The following TNRC18 variants were observed in gnomAD, a reference collection of about 807,000 sequenced individuals.
The protein encoded by TNRC18 is trinucleotide repeat-containing gene 18 protein.
TNRC18 carries 69 observed loss-of-function variants against 226.7 expected under a neutral mutation model. The observed-to-expected ratio is 0.30, with a 90% CI of 0.25 to 0.37. The LOEUF is 0.37. Ranked by LOEUF, TNRC18 falls within the 10% of genes least tolerant of loss-of-function variation. The pLI, the probability that TNRC18 is intolerant of heterozygous loss-of-function variation, is 1.00. For missense variants in TNRC18, 4,754 were observed against 4,256.6 expected, an observed-to-expected ratio of 1.12 and a Z score of -3.25; for synonymous variants, 2,449 against 1,927.6, an observed-to-expected ratio of 1.27 and a Z score of -7.09.
intron 24 of TNRC18, among the ~76,000 whole-genome samples, chr7:5,317,114 C>T (rs1769049312): frequency 6.6e-6 from 1 of 152,146 alleles, no homozygotes; most frequent in Non-Finnish European, 1.5e-5. Context: ...GGGCAGCCCC[C>T]TAACAAAACC....
rs1791137360 is a variant in TNRC18 at position 5,345,875 on chromosome 7, C to T, written c.5471-65G>A. ...CTTGGCGAGGGCCACCCCCCACCGC[C>T]CCCTGGCCCAGAGTGGCCTCTGGGC... On this transcript the variant is annotated intron_variant, in intron 17 of 29. Transcript: ENST00000430969. 5 of 1,488,872 alleles carry T rather than the reference C, an allele frequency of 3.4e-6. No individual in the cohort carries two copies. In the South Asian group the frequency reaches 5.3e-5, roughly 16 times the overall value. The allele number at this position is 1,488,872 out of a possible 1,614,324, so 92.2% of individuals were successfully genotyped here.
At chr7:5,364,461 AAACAC>A (rs1334886075) in intron 11 of TNRC18, among the ~76,000 whole-genome samples, 4,290 of 124,926 alleles carry the variant, frequency 0.034, 118 homozygotes, top group Admixed American at 0.044. Context: ...GTCTCAAAGA[AAACAC>A]ACACACACAC....
intron 18 of TNRC18, among the ~76,000 whole-genome samples, chr7:5,340,968 C>A (rs1032698213): frequency 6.6e-6 from 1 of 152,046 alleles, no homozygotes; most frequent in Non-Finnish European, 1.5e-5. Flanking sequence ...GAAGTCAGTG[C>A]CTGGTTTAAA....
intron 5 of TNRC18, among the ~76,000 whole-genome samples, chr7:5,382,598 C>T (rs1385918747): frequency 6.6e-6 from 1 of 152,138 alleles, no homozygotes; most frequent in Non-Finnish European, 1.5e-5. Flanking sequence ...TCACCAACAC[C>T]ATGGCGTACA....
intron 18 of TNRC18, among the ~76,000 whole-genome samples, chr7:5,339,574 TG>T (rs1790474837): frequency 1.3e-5 from 2 of 149,160 alleles, no homozygotes; most frequent in Non-Finnish European, 3.0e-5. Flanking sequence ...TGTGTGTGTG[TG>T]TGTTTTTCGA....
rs200372885 is a variant in TNRC18, at chr7:5,308,310, G to A, written c.8703C>T (p.Arg2901=). 282 of 1,610,544 alleles carry A rather than the reference G, an allele frequency of 1.8e-4. 1 individual carries two copies. Among genetic ancestry groups the A allele is most frequent in the South Asian group, 1.5e-3 (133 of 90,396 alleles). Reference sequence around the variant, plus strand: ...CCACATGCGAGGACTGGTATAGCGCGCGCTGCGGGCACGCGGGGATATCAG... The same window carrying A: ...CCACATGCGAGGACTGGTATAGCGCACGCTGCGGGCACGCGGGGATATCAG... The part of the protein sequence containing the change: ...VSSQRKDFME[R]ALYQSSHVDE... Residue 2901 remains arginine (R), a splice_region_variant and synonymous_variant, in exon 30 of 30, where the codon CGC becomes CGT. Coordinates refer to ENST00000430969, the MANE Select transcript of TNRC18 (RefSeq NM_001080495.3).
rs1789033356 is a variant in TNRC18 at position 5,327,385 on chromosome 7, GT to G, written c.6148-2138del. Among the ~76,000 whole-genome samples the G allele has an allele frequency of 6.7e-5, 7 of 105,102 alleles. No homozygotes were observed. In the Admixed American group the frequency reaches 7.6e-4, roughly 11 times the overall value. The allele number at this position is 105,102 out of a possible 152,430, so 69.0% of individuals were successfully genotyped here. ...TGTGTGTTTGTGCGTGTGTGTGTGTGTGTGTGTGTGTGTGTGTGTGTGTGTG... is the reference window on the plus strand; with the variant it reads ...TGTGTGTTTGTGCGTGTGTGTGTGTGGTGTGTGTGTGTGTGTGTGTGTGTG... On this transcript the variant is annotated intron_variant, in intron 19 of 29. Transcript: ENST00000430969.
rs147130802 is a variant in TNRC18, at chr7:5,342,855, G to A, written c.5719+2707C>T. Among the ~76,000 whole-genome samples the A allele has an allele frequency of 2.0e-5, 3 of 152,236 alleles. No individual in the cohort carries two copies. In the East Asian group the frequency reaches 5.8e-4, roughly 29 times the overall value. On this transcript the variant is annotated intron_variant, in intron 18 of 29. Coordinates refer to ENST00000430969, the MANE Select transcript of TNRC18 (RefSeq NM_001080495.3). ...TTTCTTGAAAGAGTCAATCGATGTGGCAAACTTCACTGTTGTCTTATTCTA... is the reference window on the plus strand; with the variant it reads ...TTTCTTGAAAGAGTCAATCGATGTGACAAACTTCACTGTTGTCTTATTCTA...
In TNRC18 at chr7:5,308,199, G is replaced by A; in HGVS notation, c.8814C>T (p.Tyr2938=). 2 of 1,608,962 alleles carry A rather than the reference G, an allele frequency of 1.2e-6. No homozygotes were observed. The highest frequency in any genetic ancestry group is 1.7e-6 in the Non-Finnish European group (2 of 1,178,276). ...GGTAGTACAGGCCCTCGCTGTCCTGGTACTTCTTGGTCTTCAGCATCTGCT... is the reference window on the plus strand; with the variant it reads ...GGTAGTACAGGCCCTCGCTGTCCTGATACTTCTTGGTCTTCAGCATCTGCT... ...QYEQMLKTKK[Y]QDSEGLYYLA... Residue 2938 remains tyrosine, a synonymous_variant, in exon 30 of 30, where the codon TAC becomes TAT. Coordinates refer to ENST00000430969, the MANE Select transcript of TNRC18 (RefSeq NM_001080495.3).
intron 18 of TNRC18, among the ~76,000 whole-genome samples, chr7:5,335,872 T>C: frequency 6.9e-6 from 1 of 144,342 alleles, no homozygotes; most frequent in Admixed American, 6.9e-5. Flanking sequence ...ATTCTGACTC[T>C]CCACAACCTC....
At chr7:5,327,332 C>T (rs555063066) in intron 19 of TNRC18, among the ~76,000 whole-genome samples, 1 of 151,936 alleles carries the variant, frequency 6.6e-6, no homozygotes, top group East Asian at 1.9e-4. Flanking sequence ...CAGTTTAATC[C>T]CCATTTTGGG....
chr7:5,402,104 G>A (rs763195044), intron 2 of TNRC18, among the ~76,000 whole-genome samples: 17 of 150,100 alleles, frequency 1.1e-4, no homozygotes, highest in East Asian at 2.0e-4. Context: ...GCATGAACCC[G>A]GGAGGCGGAG....
Position 5,421,254 on chromosome 7 carries a change from G to C in TNRC18, c.-8C>G, listed in dbSNP as rs908033188. Reference sequence around the variant, plus strand: ...GAAGTCTCGGCCATCCATCCTCCGCGGGAGTGCCGCGATCAGCCCCCCACC... The same window carrying C: ...GAAGTCTCGGCCATCCATCCTCCGCCGGAGTGCCGCGATCAGCCCCCCACC... On this transcript the variant is annotated 5_prime_UTR_variant, in exon 2 of 30. Coordinates refer to ENST00000430969, the MANE Select transcript of TNRC18 (RefSeq NM_001080495.3). 7.7e-7 allele frequency: 1 copy of C among 1,290,738 alleles called. No homozygotes were observed. The allele number at this position is 1,290,738 out of a possible 1,614,324, so 80.0% of individuals were successfully genotyped here. A position where few individuals can be genotyped will look rare whatever the true frequency, so the allele number is the denominator to read the frequency against.
chr7:5,364,804 G>GAAAA (rs778909525), intron 11 of TNRC18, among the ~76,000 whole-genome samples: 1 of 88,202 alleles, frequency 1.1e-5, no homozygotes, highest in Admixed American at 1.3e-4. Flanking sequence ...GCTGTCTCAG[G>GAAAA]AAAAAAAAAA....
chr7:5,370,786 C>G lies in TNRC18; in HGVS notation c.3808G>C (p.Val1270Leu), dbSNP rs774003341. ...CCTTCCTCGGGCACTGCCTCCACCACGGGCACCGCCACAGGCACCTCCACC... is the reference window on the plus strand; with the variant it reads ...CCTTCCTCGGGCACTGCCTCCACCAGGGGCACCGCCACAGGCACCTCCACC... ...EPVEVPVAVPVVEAVPEEGLA... is the reference protein window; with the variant it reads ...EPVEVPVAVPLVEAVPEEGLA... Residue 1270 changes from valine to leucine, a missense_variant, in exon 11 of 30, where the codon GTG becomes CTG. Coordinates refer to ENST00000430969, the MANE Select transcript of TNRC18 (RefSeq NM_001080495.3). The G allele has an allele frequency of 1.2e-6, 2 of 1,604,026 alleles. No individual in the cohort carries two copies. The highest frequency in any genetic ancestry group is 2.7e-5 in the African/African-American group (2 of 74,706).
At chr7:5,346,304 G>A (rs1198446412) in intron 17 of TNRC18, among the ~76,000 whole-genome samples, 1 of 152,204 alleles carries the variant, frequency 6.6e-6, no homozygotes, top group Non-Finnish European at 1.5e-5. Flanking sequence ...AGTCCTGAGG[G>A]CTGGCGGCAG....
intron 18 of TNRC18, among the ~76,000 whole-genome samples, chr7:5,334,829 G>T (rs1256597369): frequency 6.6e-6 from 1 of 152,146 alleles, no homozygotes; most frequent in African/African-American, 2.4e-5. Flanking sequence ...TCACGTGGAA[G>T]GCAGAGAGTG....
chr7:5,313,549 C>A lies in TNRC18; in HGVS notation c.7342G>T (p.Ala2448Ser). The change falls in exon 27 of 30, where the codon GCC (alanine) becomes TCC (serine). Residue 2448 changes from alanine to serine, a missense_variant. Coordinates refer to ENST00000430969, the MANE Select transcript of TNRC18 (RefSeq NM_001080495.3). ...TCCCCCGGCCTCCGAGGGCCCTTGG[C>A]ACCCGACTCCTCGGCTGCCCGCGCC... ...KKARAAEESG[A>S]KGPRRPGEEA... 6.2e-7 allele frequency: 1 copy of A among 1,609,616 alleles called. No individual in the cohort carries two copies. Among genetic ancestry groups the A allele is most frequent in the Non-Finnish European group, 8.5e-7 (1 of 1,178,270 alleles).
chr7:5,364,019 C>T (rs1159270215), intron 11 of TNRC18, among the ~76,000 whole-genome samples: 1 of 152,090 alleles, frequency 6.6e-6, no homozygotes, highest in African/African-American at 2.4e-5. Flanking sequence ...AAAAATAAGC[C>T]GGGTGCAGTG....
Sources: allele counts gnomAD v4.1 joint callset (sites outside exome capture counted in the v4.1 genomes callset), GRCh38; gene constraint gnomAD v4.1.1; transcripts MANE v1.5; gene names NCBI Gene and HGNC (gene_info 2026-07-23, HGNC 2026-07-21).